The following NFIB variants were observed in gnomAD, a reference collection of about 807,000 sequenced individuals.
NFIB encodes the protein nuclear factor I B.
NFIB carries 11 observed loss-of-function variants against 61.5 expected under a neutral mutation model. That is an observed-to-expected ratio of 0.18 (90% CI 0.11 to 0.30). The LOEUF (loss-of-function observed/expected upper bound fraction) is 0.30. NFIB is among the 10% of genes least tolerant of loss of function. The pLI is 1.00. For missense variants in NFIB, 471 were observed against 608.9 expected, an observed-to-expected ratio of 0.77 and a Z score of 2.38; for synonymous variants, 260 against 216.5, an observed-to-expected ratio of 1.20 and a Z score of -1.76.
the NFIB span, among the ~76,000 whole-genome samples, chr9:14,467,624 G>A: frequency 5.3e-5 from 8 of 152,046 alleles, no homozygotes; most frequent in African/African-American, 1.9e-4. Context: ...CATTCAATAT[G>A]TATTTATTCA....
intron 1 of NFIB, among the ~76,000 whole-genome samples, chr9:14,348,750 C>G (rs1171328415): frequency 2.0e-5 from 3 of 152,222 alleles, no homozygotes; most frequent in African/African-American, 7.2e-5. Flanking sequence ...CAGTGCCTAG[C>G]GAGCTGCTCC....
chr9:14,207,757 A>G (rs2049894751), intron 2 of NFIB, among the ~76,000 whole-genome samples: 4 of 152,200 alleles, frequency 2.6e-5, no homozygotes. Context: ...GAATGTTACT[A>G]CGGTCTTGGC....
At chr9:14,176,463 T>C (rs1051766314) in intron 3 of NFIB, among the ~76,000 whole-genome samples, 2 of 152,094 alleles carry the variant, frequency 1.3e-5, no homozygotes, top group Non-Finnish European at 2.9e-5. Context: ...CCCTGCCACG[T>C]AACAAAGAAT....
At chr9:14,168,663 C>G (rs1279982057) in intron 3 of NFIB, among the ~76,000 whole-genome samples, 1 of 152,114 alleles carries the variant, frequency 6.6e-6, no homozygotes, top group Non-Finnish European at 1.5e-5. Context: ...ATGGATATAT[C>G]AGAGGGATTA....
In NFIB at chr9:14,085,990, CAAGCCAAGTCTGCCTTTTT is replaced by C. The variant is rs1473838401; in HGVS notation, c.*2300_*2318del. 4.4e-6 allele frequency: 1 copy of C among 229,594 alleles called. No homozygotes were observed. The highest frequency in any genetic ancestry group is 8.6e-6 in the Non-Finnish European group (1 of 115,650). The allele number at this position is 229,594 out of a possible 1,614,324, so 14.2% of individuals were successfully genotyped here. On this transcript the variant is annotated 3_prime_UTR_variant, in exon 11 of 11. Coordinates refer to ENST00000380953, the MANE Select transcript of NFIB (RefSeq NM_001190737.2). ...TGGAACTTTCAAGAAAAACTATCACCAAGCCAAGTCTGCCTTTTTAAGCCAAGTCTGCCTCCAGGAGAAT... is the reference window on the plus strand; with the variant it reads ...TGGAACTTTCAAGAAAAACTATCACCAAGCCAAGTCTGCCTCCAGGAGAAT...
chr9:14,260,083 G>C (rs1280882352), intron 2 of NFIB, among the ~76,000 whole-genome samples: 1 of 152,186 alleles, frequency 6.6e-6, no homozygotes, highest in Non-Finnish European at 1.5e-5. Context: ...GTGCCAAGTA[G>C]AACTGCTGGG....
At chr9:14,358,234 ATTTTAT>A (rs2061199076) in intron 1 of NFIB, among the ~76,000 whole-genome samples, 1 of 149,196 alleles carries the variant, frequency 6.7e-6, no homozygotes, top group Non-Finnish European at 1.5e-5. Context: ...ATATAAAATA[ATTTTAT>A]ATTTATATAA....
chr9:14,162,970 T>C (rs2044367494), intron 3 of NFIB, among the ~76,000 whole-genome samples: 1 of 152,050 alleles, frequency 6.6e-6, no homozygotes, highest in Non-Finnish European at 1.5e-5. Context: ...TAAAGCATAC[T>C]AGCTAAAAAG....
chr9:14,126,598 G>A (rs1470802660), intron 6 of NFIB, among the ~76,000 whole-genome samples: 1 of 152,208 alleles, frequency 6.6e-6, no homozygotes, highest in Non-Finnish European at 1.5e-5. Context: ...GAATACACAA[G>A]TAAACAGTGT....
chr9:14,408,422 T>G, the NFIB span, among the ~76,000 whole-genome samples: 2 of 152,230 alleles, frequency 1.3e-5, no homozygotes, highest in African/African-American at 4.8e-5. Flanking sequence ...GGGTATGACT[T>G]TCTTCCCCAT....
the NFIB span, among the ~76,000 whole-genome samples, chr9:14,418,145 A>G: frequency 0.26 from 39,515 of 152,092 alleles, 5,523 homozygotes; most frequent in African/African-American, 0.36. Flanking sequence ...TCTGAGGACC[A>G]CTGTAAATGT....
intron 1 of NFIB, among the ~76,000 whole-genome samples, chr9:14,329,482 C>A (rs1588317491): frequency 6.6e-6 from 1 of 152,070 alleles, no homozygotes; most frequent in Non-Finnish European, 1.5e-5. Context: ...ATCCTGGGCC[C>A]ACTCACAGTG....
the NFIB span, among the ~76,000 whole-genome samples, chr9:14,464,747 G>A: frequency 1.3e-5 from 2 of 152,088 alleles, no homozygotes; most frequent in African/African-American, 2.4e-5. Flanking sequence ...TCAGTGGGAC[G>A]GTCAGCATGC....
At chr9:14,340,386 A>C (rs2060935911) in intron 1 of NFIB, among the ~76,000 whole-genome samples, 1 of 152,198 alleles carries the variant, frequency 6.6e-6, no homozygotes, top group Admixed American at 6.5e-5. Context: ...AGAATCGCCC[A>C]GGGGAACTTG....
At chr9:14,416,725 A>T in the NFIB span, among the ~76,000 whole-genome samples, 1 of 152,042 alleles carries the variant, frequency 6.6e-6, no homozygotes, top group South Asian at 2.1e-4. Context: ...TTTAATATAA[A>T]TGTAGTGTGG....
intron 1 of NFIB, among the ~76,000 whole-genome samples, chr9:14,349,326 C>A (rs968468552): frequency 7.2e-5 from 11 of 152,108 alleles, no homozygotes; most frequent in African/African-American, 2.7e-4. Context: ...GAGAATGGCA[C>A]GTATTTAACA....
At chr9:14,284,922 T>C (rs1421214413) in intron 2 of NFIB, among the ~76,000 whole-genome samples, 1 of 152,190 alleles carries the variant, frequency 6.6e-6, no homozygotes, top group Non-Finnish European at 1.5e-5. Context: ...TTATTTGCCC[T>C]ATGTAGCCTT....
intron 2 of NFIB, among the ~76,000 whole-genome samples, chr9:14,194,501 T>C (rs2048278372): frequency 6.6e-6 from 1 of 152,168 alleles, no homozygotes; most frequent in Admixed American, 6.5e-5. Flanking sequence ...TTAACCAAAT[T>C]TTTTATTACA....
chr9:14,206,659 A>G (rs1001160963), intron 2 of NFIB, among the ~76,000 whole-genome samples: 1 of 146,622 alleles, frequency 6.8e-6, no homozygotes, highest in Admixed American at 7.1e-5. Context: ...CTATGCTATC[A>G]TATACAGAGT....
Sources: allele counts gnomAD v4.1 joint callset (sites outside exome capture counted in the v4.1 genomes callset), GRCh38; gene constraint gnomAD v4.1.1; transcripts MANE v1.5; gene names NCBI Gene and HGNC (gene_info 2026-07-23, HGNC 2026-07-21).